The following BRINP1 variants were observed in gnomAD, a reference collection of about 807,000 sequenced individuals.
The protein encoded by BRINP1 is BMP/retinoic acid-inducible neural-specific protein 1.
Under a neutral mutation model 72.9 loss-of-function variants are expected in BRINP1, and 17 were observed. That is an observed-to-expected ratio of 0.23 (90% CI 0.16 to 0.35). The LOEUF is 0.35. BRINP1 is among the 10% of genes least tolerant of loss of function. The pLI is 1.00. For missense variants in BRINP1, 850 were observed against 1,001.6 expected (o/e 0.85, Z 2.04); for synonymous variants, 418 against 378.5 (o/e 1.10, Z -1.21).
At chr9:119,193,227 A>G (rs1283155504) in intron 7 of BRINP1, among the ~76,000 whole-genome samples, 1 of 152,144 alleles carries the variant, frequency 6.6e-6, no homozygotes, top group African/African-American at 2.4e-5. Context: ...ATATGATATA[A>G]TATTATTCAG....
rs146541652 is a variant in BRINP1 at position 119,167,007 on chromosome 9, T to C, written c.*77A>G. The C allele has an allele frequency of 2.1e-5, 30 of 1,435,506 alleles. No homozygotes were observed. In the East Asian group the frequency reaches 6.3e-4, roughly 30 times the overall value. 88.9% of individuals were successfully genotyped at this position (1,435,506 alleles called of 1,614,324 possible). A position where few individuals can be genotyped will look rare whatever the true frequency, so the allele number is the denominator to read the frequency against. On this transcript the variant is annotated 3_prime_UTR_variant, in exon 8 of 8. Transcript: ENST00000265922. This position sits in a 1 kb window ranked among gnomAD's most constrained non-coding sequence, Gnocchi z 4.3. ...ACATTTTACAAATTTTTGTGGGTTTTTTTGTTTTGTTTTGCTTCATTTTGT... is the reference window on the plus strand; with the variant it reads ...ACATTTTACAAATTTTTGTGGGTTTCTTTGTTTTGTTTTGCTTCATTTTGT...
chr9:119,180,063 C>A (rs984829502), intron 7 of BRINP1, among the ~76,000 whole-genome samples: 1 of 152,182 alleles, frequency 6.6e-6, no homozygotes, highest in Non-Finnish European at 1.5e-5. Flanking sequence ...CAAGCAGACT[C>A]CCTGCTGATT....
chr9:119,185,152 A>G (rs1369756952), intron 7 of BRINP1, among the ~76,000 whole-genome samples: 1 of 152,134 alleles, frequency 6.6e-6, no homozygotes, highest in Non-Finnish European at 1.5e-5. Context: ...TAACTGGAAT[A>G]CCCACCAACT....
At chr9:119,280,271 C>G (rs1193807665) in intron 2 of BRINP1, among the ~76,000 whole-genome samples, 5 of 151,606 alleles carry the variant, frequency 3.3e-5, no homozygotes, top group African/African-American at 1.2e-4. Context: ...TGGAGTCTCG[C>G]TCTATCGCCC....
At chr9:119,335,235 G>A (rs1014706505) in intron 1 of BRINP1, among the ~76,000 whole-genome samples, 1 of 152,142 alleles carries the variant, frequency 6.6e-6, no homozygotes, top group African/African-American at 2.4e-5. Context: ...CAAGAGAGTT[G>A]GTGAGTGCAG....
chr9:119,343,739 G>C (rs1831425972), intron 1 of BRINP1, among the ~76,000 whole-genome samples: 1 of 152,136 alleles, frequency 6.6e-6, no homozygotes, highest in Admixed American at 6.6e-5. Context: ...CTGAGGCTGT[G>C]CTATACAGAG....
Position 119,249,032 on chromosome 9 carries a change from T to C in BRINP1, c.337A>G (p.Thr113Ala). 1.9e-6 allele frequency: 3 copies of C among 1,614,060 alleles called. No homozygotes were observed. The highest frequency in any genetic ancestry group is 2.5e-6 in the Non-Finnish European group (3 of 1,179,994). The change falls in exon 3 of 8, where the codon ACC becomes GCC. Residue 113 changes from threonine to alanine, a missense_variant. Coordinates refer to ENST00000265922, the MANE Select transcript of BRINP1 (RefSeq NM_014618.3). ...RSIRLLGRRPTTQQFIDTIIK... is the reference protein window; with the variant it reads ...RSIRLLGRRPATQQFIDTIIK... ...ATGGTATCGATGAACTGCTGAGTGGTAGGTCTCCTGCCAAGCAGGCGGATG... is the reference window on the plus strand; with the variant it reads ...ATGGTATCGATGAACTGCTGAGTGGCAGGTCTCCTGCCAAGCAGGCGGATG...
At chr9:119,365,877 G>A (rs1001599865) in intron 1 of BRINP1, among the ~76,000 whole-genome samples, 13 of 151,976 alleles carry the variant, frequency 8.6e-5, no homozygotes, top group Admixed American at 5.2e-4. Context: ...ATCTAGCCCC[G>A]GAAAATCCTG....
At chr9:119,193,182 G>A (rs1248962956) in intron 7 of BRINP1, among the ~76,000 whole-genome samples, 5 of 152,140 alleles carry the variant, frequency 3.3e-5, no homozygotes, top group African/African-American at 1.2e-4. Context: ...ATTCATGGAT[G>A]TGGAACCCAC....
chr9:119,199,441 C>A (rs918671842), intron 7 of BRINP1, among the ~76,000 whole-genome samples: 1 of 152,160 alleles, frequency 6.6e-6, no homozygotes, highest in Non-Finnish European at 1.5e-5. Context: ...TCAGAAGCTA[C>A]GGCCCCAGCA....
intron 5 of BRINP1, among the ~76,000 whole-genome samples, chr9:119,214,832 C>T (rs903336347): frequency 6.6e-6 from 1 of 152,102 alleles, no homozygotes; most frequent in Non-Finnish European, 1.5e-5. Context: ...AAAAGAAGAA[C>T]AGGAAGGACA....
chr9:119,320,734 G>A (rs1386440718), intron 1 of BRINP1, among the ~76,000 whole-genome samples: 1 of 152,156 alleles, frequency 6.6e-6, no homozygotes, highest in African/African-American at 2.4e-5. Context: ...GACAGGGTGG[G>A]TTCAATGCTC....
chr9:119,185,957 A>T (rs1215871954), intron 7 of BRINP1, among the ~76,000 whole-genome samples: 1 of 152,228 alleles, frequency 6.6e-6, no homozygotes, highest in Non-Finnish European at 1.5e-5. Flanking sequence ...TGAGGCACTG[A>T]CATCATTGCA....
intron 2 of BRINP1, among the ~76,000 whole-genome samples, chr9:119,256,723 C>T (rs1830451348): frequency 6.6e-6 from 1 of 152,202 alleles, no homozygotes; most frequent in Non-Finnish European, 1.5e-5. Flanking sequence ...GGGGCAGTGA[C>T]AATTTCTGCA....
chr9:119,346,849 CT>C, intron 1 of BRINP1, among the ~76,000 whole-genome samples: 1 of 152,274 alleles, frequency 6.6e-6, no homozygotes, highest in East Asian at 1.9e-4. Flanking sequence ...GTTTTATGGC[CT>C]TTTCACGTTG....
At chr9:119,312,629 A>G (rs1229109300) in intron 2 of BRINP1, among the ~76,000 whole-genome samples, 1 of 152,190 alleles carries the variant, frequency 6.6e-6, no homozygotes, top group Non-Finnish European at 1.5e-5. Flanking sequence ...ATTTTTCCAA[A>G]TGTTTGAATG....
chr9:119,183,453 A>G (rs1471306390), intron 7 of BRINP1, among the ~76,000 whole-genome samples: 2 of 152,194 alleles, frequency 1.3e-5, no homozygotes, highest in African/African-American at 4.8e-5. Context: ...GTGGAAAAAA[A>G]TAATTCCCTT....
In BRINP1 at chr9:119,167,833, C is replaced by T. The variant is rs146617024; in HGVS notation, c.1537G>A (p.Asp513Asn). ...TTFISNEIRL[D>N]TFFDPRWRKR... ...CGCCACCGAGGGTCAAAGAAGGTGT[C>T]GAGGCGGATCTCGTTGCTGATGAAG... Residue 513 changes from aspartate (D) to asparagine (N), a missense_variant, in exon 8 of 8, where the codon GAC (aspartate) becomes AAC (asparagine). Coordinates refer to ENST00000265922, the MANE Select transcript of BRINP1 (RefSeq NM_014618.3). This position sits in a 1 kb window ranked among gnomAD's most constrained non-coding sequence, Gnocchi z 4.3. 14 of 1,613,454 alleles carry T rather than the reference C, an allele frequency of 8.7e-6. No individual in the cohort carries two copies. The highest frequency in any genetic ancestry group is 2.2e-5 in the East Asian group (1 of 44,850).
At chr9:119,181,911 C>T (rs1043017016) in intron 7 of BRINP1, among the ~76,000 whole-genome samples, 1 of 152,198 alleles carries the variant, frequency 6.6e-6, no homozygotes, top group Non-Finnish European at 1.5e-5. Context: ...TAATACAATC[C>T]TTGCAAGGTT....
Sources: allele counts gnomAD v4.1 joint callset (sites outside exome capture counted in the v4.1 genomes callset), GRCh38; gene constraint gnomAD v4.1.1; non-coding constraint Gnocchi (gnomAD v3.1); transcripts MANE v1.5; gene names NCBI Gene and HGNC (gene_info 2026-07-23, HGNC 2026-07-21).